Variants in GSE1 observed in about 807,000 individuals in gnomAD.
GSE1 encodes Gse1 coiled-coil protein.
In GSE1, 32 loss-of-function variants were observed where a neutral mutation model predicts 112.6. That is an observed-to-expected ratio of 0.28 (90% CI 0.21 to 0.38). The LOEUF (loss-of-function observed/expected upper bound fraction) is 0.38, where lower values mean the gene tolerates loss of function less well. Among genes scored for constraint, GSE1 ranks in the 10% least tolerant of loss-of-function variants. The pLI is 1.00. For synonymous variants in GSE1, 1,115 were observed against 735.6 expected (o/e 1.52, Z -8.35); for missense variants, 2,348 against 1,699.2 (o/e 1.38, Z -6.71).
intron 1 of GSE1, among the ~76,000 whole-genome samples, chr16:85,631,325 G>A (rs958560227): frequency 6.6e-6 from 1 of 152,238 alleles, no homozygotes; most frequent in African/African-American, 2.4e-5. Context: ...ACCAGGACAA[G>A]AGCTCTGGTC....
chr16:85,600,221 C>T (rs767359828), intron 1 of GSE1, among the ~76,000 whole-genome samples: 1 of 152,276 alleles, frequency 6.6e-6, no homozygotes, highest in South Asian at 2.1e-4. Context: ...GGGGTCTGAG[C>T]GGTGTGGGGA....
chr16:85,613,913 C>T lies in GSE1; in HGVS notation c.7+515C>T, dbSNP rs1416161297. On this transcript the variant is annotated intron_variant, in intron 1 of 15. Transcript: ENST00000253458. Reference sequence around the variant, plus strand: ...CGCGCCGGTTAGGGTTCTTGTCTTGCTCCCCTCCCCCTCCCCGACCCCTTG... The same window carrying T: ...CGCGCCGGTTAGGGTTCTTGTCTTGTTCCCCTCCCCCTCCCCGACCCCTTG... Among the ~76,000 whole-genome samples, 8 of 149,308 alleles carry T rather than the reference C, an allele frequency of 5.4e-5. No homozygotes were observed. The South Asian group carries it at 8.5e-4, about 16-fold the overall frequency.
At chr16:85,371,788 C>T (rs1294902709) in intron 2 of GSE1, among the ~76,000 whole-genome samples, 1 of 152,208 alleles carries the variant, frequency 6.6e-6, no homozygotes, top group African/African-American at 2.4e-5. Flanking sequence ...TGAATCCCAC[C>T]CTCCTTTCCC....
intron 2 of GSE1, among the ~76,000 whole-genome samples, chr16:85,403,946 G>C (rs1597618189): frequency 1.3e-5 from 2 of 152,288 alleles, no homozygotes; most frequent in East Asian, 1.9e-4. Context: ...TGGGGACTCT[G>C]GCTTCCAGGG....
intron 2 of GSE1, among the ~76,000 whole-genome samples, chr16:85,481,251 A>G (rs2050673563): frequency 6.6e-6 from 1 of 152,238 alleles, no homozygotes; most frequent in Non-Finnish European, 1.5e-5. Context: ...AATGGAGATA[A>G]AAGACACCTC....
chr16:85,503,187 G>T (rs191996514), intron 2 of GSE1, among the ~76,000 whole-genome samples: 1 of 152,332 alleles, frequency 6.6e-6, no homozygotes, highest in African/African-American at 2.4e-5. Flanking sequence ...AGCCACTGAC[G>T]GGATTAAGTG....
At chr16:85,529,118 G>A (rs57981686) in intron 2 of GSE1, among the ~76,000 whole-genome samples, 575 of 152,304 alleles carry the variant, frequency 3.8e-3, no homozygotes, top group African/African-American at 0.013. Flanking sequence ...CAGTTGTCCA[G>A]GGGGGTCGGA....
intron 3 of GSE1, among the ~76,000 whole-genome samples, chr16:85,653,961 C>T (rs1469159236): frequency 1.3e-5 from 2 of 152,118 alleles, no homozygotes; most frequent in Non-Finnish European, 2.9e-5. Context: ...GGAGCCCCTG[C>T]CACCCTGCAT....
At chr16:85,324,327 T>C (rs2046180276) in intron 1 of GSE1, among the ~76,000 whole-genome samples, 1 of 152,104 alleles carries the variant, frequency 6.6e-6, no homozygotes, top group South Asian at 2.1e-4. Context: ...CTGGCCAACA[T>C]GGCGAAACCC....
chr16:85,500,066 A>C (rs1483514222), intron 2 of GSE1, among the ~76,000 whole-genome samples: 1 of 152,168 alleles, frequency 6.6e-6, no homozygotes, highest in Non-Finnish European at 1.5e-5. Flanking sequence ...GACCACCCTA[A>C]ACACCCCACC....
chr16:85,576,787 C>G (rs895049172), intron 1 of GSE1, among the ~76,000 whole-genome samples: 131 of 152,304 alleles, frequency 8.6e-4, no homozygotes, highest in African/African-American at 3.0e-3. Flanking sequence ...GACTGATGCC[C>G]TGGTGTGTCC....
At chr16:85,189,842 C>T (rs188403389) in intron 1 of GSE1, among the ~76,000 whole-genome samples, 160 of 152,268 alleles carry the variant, frequency 1.1e-3, no homozygotes, top group Non-Finnish European at 2.0e-3. Flanking sequence ...TTTCTAATGC[C>T]TGTAGGTTCT....
chr16:85,671,319 A>G (rs1281172603), intron 15 of GSE1, among the ~76,000 whole-genome samples: 4 of 151,184 alleles, frequency 2.6e-5, no homozygotes, highest in Non-Finnish European at 4.4e-5. Flanking sequence ...GGGCGCCTGT[A>G]GTCCCAGCTA....
At chr16:85,575,578 G>A (rs1181144845) in intron 1 of GSE1, among the ~76,000 whole-genome samples, 4 of 151,890 alleles carry the variant, frequency 2.6e-5, no homozygotes, top group Non-Finnish European at 4.4e-5. Context: ...ACGGCTAATT[G>A]CGATTTCTTT....
chr16:85,368,065 G>C (rs574445179), intron 2 of GSE1, among the ~76,000 whole-genome samples: 1 of 152,178 alleles, frequency 6.6e-6, no homozygotes, highest in Admixed American at 6.5e-5. Context: ...TGTTGGTCGG[G>C]CTGGTCTCGA....
At chr16:85,185,148 A>G (rs550716830) in intron 1 of GSE1, 30 of 152,318 alleles carry the variant, frequency 2.0e-4, no homozygotes, top group African/African-American at 7.2e-4. Context: ...ACTATGATGC[A>G]GCTCCTCCAT....
At chr16:85,342,291 A>G (rs1011414975) in intron 1 of GSE1, among the ~76,000 whole-genome samples, 3 of 152,154 alleles carry the variant, frequency 2.0e-5, no homozygotes, top group East Asian at 1.9e-4. Flanking sequence ...AGCTATTTTT[A>G]TGTTTGTCAC....
At chr16:85,663,168 C>A in intron 10 of GSE1, 75 bp downstream of exon 10, 1 of 1,247,054 alleles carries the variant, frequency 8.0e-7, no homozygotes, top group Non-Finnish European at 1.2e-6. Flanking sequence ...TGCAGTCCAC[C>A]CCACTGTTGC....
chr16:85,184,139 C>G (rs1213412900), intron 1 of GSE1, among the ~76,000 whole-genome samples: 1 of 152,218 alleles, frequency 6.6e-6, no homozygotes, highest in African/African-American at 2.4e-5. Context: ...CTCTGCAGCT[C>G]TGAGAATTCT....
Sources: allele counts gnomAD v4.1 joint callset (sites outside exome capture counted in the v4.1 genomes callset), GRCh38; gene constraint gnomAD v4.1.1; transcripts MANE v1.5; gene names NCBI Gene and HGNC (gene_info 2026-07-23, HGNC 2026-07-21).